The following DMD variants were observed in gnomAD, a reference collection of about 807,000 sequenced individuals.
The protein encoded by DMD is mutant dystrophin.
Under a neutral mutation model 330.1 loss-of-function variants are expected in DMD, and 63 were observed. The ratio of observed to expected loss-of-function variants is 0.19; its 90% CI spans 0.16 to 0.24. The LOEUF is 0.24. DMD is among the 10% of genes least tolerant of loss of function. The probability of loss-of-function intolerance (pLI) is 1.00; values close to 1 mark genes in which losing one functional copy is unlikely to be tolerated. For missense variants in DMD, 3,344 were observed against 2,684.1 expected (o/e 1.25, Z -5.43); for synonymous variants, 1,223 against 959.8 (o/e 1.27, Z -5.07).
intron 50 of DMD, among the ~76,000 whole-genome samples, chrX:31,786,670 C>T (rs779319725): frequency 3.6e-5 from 4 of 111,581 alleles, no homozygotes; most frequent in Non-Finnish European, 7.5e-5. Flanking sequence ...GGTGTGGTTG[C>T]ATTGACTCCA....
chrX:32,805,175 G>A (rs962336421), intron 7 of DMD, among the ~76,000 whole-genome samples: 2 of 111,609 alleles, frequency 1.8e-5, no homozygotes, highest in Non-Finnish European at 3.8e-5. Flanking sequence ...CAAGCTAAAG[G>A]AGCATGTTCT....
In DMD at chrX:31,403,618, C is replaced by A. The variant is rs1407813349; in HGVS notation, c.9084+40863G>T. Reference sequence around the variant, plus strand: ...AAAATAAGTTTATTAGAAATATACACATCAAATACACTTCTGAAAAAAATG... The same window carrying A: ...AAAATAAGTTTATTAGAAATATACAAATCAAATACACTTCTGAAAAAAATG... On this transcript the variant is annotated intron_variant, in intron 60 of 78. Coordinates refer to ENST00000357033, the MANE Select transcript of DMD (RefSeq NM_004006.3). 2.7e-5 allele frequency among the ~76,000 whole-genome samples: 3 copies of A among 111,365 alleles called. No homozygotes were observed. In the Admixed American group the frequency reaches 2.9e-4, roughly 11 times the overall value.
At chrX:32,195,457 G>A (rs912050795) in intron 44 of DMD, among the ~76,000 whole-genome samples, 13 of 112,036 alleles carry the variant, frequency 1.2e-4, no homozygotes, top group African/African-American at 3.9e-4. Context: ...GTCTCAAACT[G>A]TGACATACCT....
chrX:31,765,212 A>T (rs1185071653), intron 51 of DMD, among the ~76,000 whole-genome samples: 1 of 112,021 alleles, frequency 8.9e-6, no homozygotes, highest in East Asian at 2.8e-4. Context: ...ACATAGCTTA[A>T]TTTTCATCTA....
intron 43 of DMD, among the ~76,000 whole-genome samples, chrX:32,219,034 C>T (rs1222589205): frequency 9.0e-6 from 1 of 111,689 alleles, no homozygotes; most frequent in Non-Finnish European, 1.9e-5. Flanking sequence ...TATGCTTAAC[C>T]TTTAAAATCT....
At chrX:32,818,014 G>A (rs2077903019) in intron 5 of DMD, among the ~76,000 whole-genome samples, 3 of 111,886 alleles carry the variant, frequency 2.7e-5, no homozygotes. Flanking sequence ...TATTTAGTCA[G>A]TTACTCAGTG....
chrX:32,943,110 T>A (rs2090542887), intron 2 of DMD, among the ~76,000 whole-genome samples: 1 of 111,607 alleles, frequency 9.0e-6, no homozygotes, highest in African/African-American at 3.3e-5. Flanking sequence ...ATTACAGATT[T>A]GTCACGCATT....
intron 43 of DMD, among the ~76,000 whole-genome samples, chrX:32,240,499 G>T (rs1270378612): frequency 9.0e-6 from 1 of 111,240 alleles, no homozygotes; most frequent in African/African-American, 3.3e-5. Context: ...CCTCCAGAAC[G>T]GTGAGAAATA....
At chrX:31,973,846 C>A (rs1359353009) in intron 44 of DMD, among the ~76,000 whole-genome samples, 2 of 111,654 alleles carry the variant, frequency 1.8e-5, no homozygotes, top group Non-Finnish European at 3.8e-5. Context: ...CGAATGAGGG[C>A]TTTCTTCTCT....
At chrX:31,960,097 AGCAT>A (rs982220300) in intron 45 of DMD, among the ~76,000 whole-genome samples, 2 of 109,180 alleles carry the variant, frequency 1.8e-5, no homozygotes, top group African/African-American at 6.7e-5. Flanking sequence ...AGTCTTCCAA[AGCAT>A]TCAATTTAGT....
chrX:31,495,102 T>A (rs1240031511), intron 57 of DMD, among the ~76,000 whole-genome samples: 1 of 110,738 alleles, frequency 9.0e-6, no homozygotes, highest in African/African-American at 3.3e-5. Flanking sequence ...TTCAGAAATA[T>A]ATGAAGGCAA....
intron 44 of DMD, among the ~76,000 whole-genome samples, chrX:32,107,053 TG>T (rs2096567123): frequency 9.0e-6 from 1 of 111,443 alleles, no homozygotes; most frequent in Admixed American, 9.6e-5. Context: ...GACATTTGTA[TG>T]GGGTTGAAGA....
At chrX:31,168,477 G>T (rs1569398477) in intron 74 of DMD, among the ~76,000 whole-genome samples, 2 of 111,385 alleles carry the variant, frequency 1.8e-5, no homozygotes, top group Non-Finnish European at 3.8e-5. Flanking sequence ...GAGCTAGAAG[G>T]CTCGCAGTGG....
At chrX:31,731,629 G>T (rs955112004) in intron 51 of DMD, among the ~76,000 whole-genome samples, 2 of 111,440 alleles carry the variant, frequency 1.8e-5, no homozygotes, top group Non-Finnish European at 3.8e-5. Context: ...CACTATTCTA[G>T]GGACTATGCA....
chrX:32,832,345 C>T (rs886114340), intron 4 of DMD, among the ~76,000 whole-genome samples: 1 of 111,360 alleles, frequency 9.0e-6, no homozygotes, highest in Admixed American at 9.6e-5. Flanking sequence ...AGGGAAATCC[C>T]ATGCATTGAA....
At chrX:31,126,550 C>T (rs931277033) in intron 78 of DMD, 92 bp downstream of exon 78, 13 of 757,105 alleles carry the variant, frequency 1.7e-5, no homozygotes, top group South Asian at 6.4e-5. Context: ...CACACATGCG[C>T]GTGCACACAC....
intron 63 of DMD, among the ~76,000 whole-genome samples, chrX:31,255,574 GTTGT>G (rs973568812): frequency 3.6e-5 from 4 of 110,664 alleles, no homozygotes; most frequent in East Asian, 2.8e-4. Flanking sequence ...ATCTTCTCCT[GTTGT>G]TTGTTTTCTC....
rs779723577 is a variant in DMD at position 31,808,723 on chromosome X, T to C, written c.7309+11252A>G. 6.3e-5 allele frequency among the ~76,000 whole-genome samples: 7 copies of C among 111,303 alleles called. No individual in the cohort carries two copies. In the East Asian group the frequency reaches 2.0e-3, roughly 32 times the overall value. On this transcript the variant is annotated intron_variant, in intron 50 of 78. Transcript: ENST00000357033. ...AAAAGCTCAAATCGAAGTGTACAAT[T>C]CAATCCTGAGTTATGTGCTTATTTG...
At position 31,884,065 on chromosome X, in the gene DMD, T is replaced by C. The variant is rs2094116694; in HGVS notation, c.6913-8692A>G. Among the ~76,000 whole-genome samples, 9 of 111,794 alleles carry C rather than the reference T, an allele frequency of 8.1e-5. No individual in the cohort carries two copies. In the Admixed American group the frequency reaches 8.6e-4, roughly 11 times the overall value. ...TTGATGGGAATGTAAATTAGTATAA[T>C]TATTGTGGAAAACAGTATGGAAGAT... On this transcript the variant is annotated intron_variant, in intron 47 of 78. Coordinates refer to ENST00000357033, the MANE Select transcript of DMD (RefSeq NM_004006.3).
Sources: allele counts gnomAD v4.1 joint callset (sites outside exome capture counted in the v4.1 genomes callset), GRCh38; gene constraint gnomAD v4.1.1; transcripts MANE v1.5; gene names NCBI Gene and HGNC (gene_info 2026-07-23, HGNC 2026-07-21).